Variants in ZNF892 observed in about 807,000 individuals in gnomAD.
ZNF892 encodes zinc finger protein 570-like.
At chr2:95,248,182 G>C in the ZNF892 span, among the ~76,000 whole-genome samples, 4 of 152,116 alleles carry the variant, frequency 2.6e-5, no homozygotes, top group African/African-American at 9.7e-5. Context: ...TATGTCCTTC[G>C]CAGCAACATA....
the ZNF892 span, among the ~76,000 whole-genome samples, chr2:95,250,650 CTA>C: frequency 4.9e-5 from 6 of 123,470 alleles, no homozygotes; most frequent in Non-Finnish European, 1.0e-4. Flanking sequence ...TAAATATAAA[CTA>C]TTCATAAATT....
the ZNF892 span, among the ~76,000 whole-genome samples, chr2:95,243,763 T>C: frequency 6.7e-6 from 1 of 149,990 alleles, no homozygotes; most frequent in African/African-American, 2.5e-5. Context: ...GTCCGGGAGG[T>C]GAGGGGCGCC....
At chr2:95,238,260 G>C in the ZNF892 span, among the ~76,000 whole-genome samples, 4 of 152,194 alleles carry the variant, frequency 2.6e-5, no homozygotes, top group African/African-American at 7.2e-5. Context: ...ATTGAAGCCA[G>C]TGCTCATTTG....
At chr2:95,258,103 G>A in the ZNF892 span, among the ~76,000 whole-genome samples, 1 of 152,256 alleles carries the variant, frequency 6.6e-6, no homozygotes, top group Non-Finnish European at 1.5e-5. Context: ...AATCCCCAGT[G>A]AGATGAACCT....
At chr2:95,250,116 T>G in the ZNF892 span, among the ~76,000 whole-genome samples, 71 of 152,244 alleles carry the variant, frequency 4.7e-4, 1 homozygote, top group African/African-American at 1.6e-3. Context: ...GAAGTAAGAA[T>G]ATAAAGGTTA....
At chr2:95,253,565 G>A in the ZNF892 span, among the ~76,000 whole-genome samples, 1 of 152,106 alleles carries the variant, frequency 6.6e-6, no homozygotes, top group African/African-American at 2.4e-5. Flanking sequence ...TTGGCAATGT[G>A]GGCTCTTTTT....
chr2:95,226,359 G>A, the ZNF892 span, among the ~76,000 whole-genome samples: 1 of 152,192 alleles, frequency 6.6e-6, no homozygotes, highest in African/African-American at 2.4e-5. Context: ...TAAATTGTCA[G>A]TTTCTGTTGA....
chr2:95,252,255 G>GC, the ZNF892 span, among the ~76,000 whole-genome samples: 8 of 116,092 alleles, frequency 6.9e-5, no homozygotes, highest in African/African-American at 2.4e-4. Flanking sequence ...CACACAGCAG[G>GC]CCCCAGTGTG....
the ZNF892 span, among the ~76,000 whole-genome samples, chr2:95,212,923 A>T: frequency 3.3e-5 from 5 of 152,388 alleles, 1 homozygote; most frequent in East Asian, 9.6e-4. Flanking sequence ...CTAAGCAAAG[A>T]TAGCTATTAA....
chr2:95,215,002 A>T, the ZNF892 span: 1 of 504,242 alleles, frequency 2.0e-6, no homozygotes, highest in Non-Finnish European at 3.6e-6. Flanking sequence ...CTCACTCAAC[A>T]TCAGCGAATT....
the ZNF892 span, among the ~76,000 whole-genome samples, chr2:95,256,637 A>G: frequency 2.0e-4 from 30 of 152,196 alleles, no homozygotes; most frequent in South Asian, 2.1e-4. Context: ...AGACTGGGGA[A>G]GTTCTCCTGG....
At chr2:95,235,402 G>A in the ZNF892 span, among the ~76,000 whole-genome samples, 6,183 of 144,352 alleles carry the variant, frequency 0.043, 420 homozygotes, top group African/African-American at 0.15. Flanking sequence ...TAGCTCTGTC[G>A]CCCAGGCTGG....
the ZNF892 span, chr2:95,207,770 C>T: frequency 1.3e-5 from 5 of 398,464 alleles, no homozygotes; most frequent in South Asian, 5.1e-4. Flanking sequence ...CCGGCTCCTT[C>T]CCCTGTCGCG....
chr2:95,226,176 AGC>A, the ZNF892 span, among the ~76,000 whole-genome samples: 1 of 152,204 alleles, frequency 6.6e-6, no homozygotes, highest in Non-Finnish European at 1.5e-5. Flanking sequence ...CCCTGTAACA[AGC>A]CTCTGCCCCA....
At chr2:95,218,928 G>A in the ZNF892 span, among the ~76,000 whole-genome samples, 1 of 152,156 alleles carries the variant, frequency 6.6e-6, no homozygotes, top group Admixed American at 6.5e-5. Flanking sequence ...GAGGGTTAGG[G>A]TGTCAACAAT....
chr2:95,246,667 G>T, the ZNF892 span, among the ~76,000 whole-genome samples: 1 of 152,108 alleles, frequency 6.6e-6, no homozygotes, highest in African/African-American at 2.4e-5. Flanking sequence ...AAAGTCTCAG[G>T]ATACAAAATC....
the ZNF892 span, among the ~76,000 whole-genome samples, chr2:95,236,634 T>C: frequency 9.2e-5 from 14 of 152,120 alleles, no homozygotes; most frequent in Non-Finnish European, 8.8e-5. Context: ...CTTGTCAGAG[T>C]CTTTCCATGA....
the ZNF892 span, among the ~76,000 whole-genome samples, chr2:95,223,986 A>G: frequency 2.0e-5 from 3 of 152,192 alleles, no homozygotes; most frequent in Non-Finnish European, 4.4e-5. Context: ...CAGTGCTCCT[A>G]TGAAAGTGGC....
the ZNF892 span, among the ~76,000 whole-genome samples, chr2:95,261,599 C>T: frequency 6.6e-6 from 1 of 152,136 alleles, no homozygotes; most frequent in African/African-American, 2.4e-5. Flanking sequence ...CTGGCCTCCA[C>T]AATTCTTTTA....
Sources: allele counts gnomAD v4.1 joint callset (sites outside exome capture counted in the v4.1 genomes callset), GRCh38; gene constraint gnomAD v4.1.1; transcripts MANE v1.5; gene names NCBI Gene and HGNC (gene_info 2026-07-23, HGNC 2026-07-21).